The following CACNA1E variants were observed in gnomAD, a reference collection of about 807,000 sequenced individuals.
The protein encoded by CACNA1E is calcium voltage-gated channel subunit alpha1 E.
CACNA1E carries 40 observed loss-of-function variants against 259.2 expected under a neutral mutation model. That is an observed-to-expected ratio of 0.15 (90% CI 0.12 to 0.20). The LOEUF (loss-of-function observed/expected upper bound fraction) is 0.20, where lower values mean the gene tolerates loss of function less well. Ranked by LOEUF, CACNA1E falls within the 10% of genes least tolerant of loss-of-function variation. The pLI, the probability that CACNA1E is intolerant of heterozygous loss-of-function variation, is 1.00. For synonymous variants in CACNA1E, 1,104 were observed against 1,138.5 expected, an observed-to-expected ratio of 0.97 and a Z score of 0.61; for missense variants, 1,874 against 3,040.1, an observed-to-expected ratio of 0.62 and a Z score of 9.02.
intron 1 of CACNA1E, among the ~76,000 whole-genome samples, chr1:181,503,018 A>T (rs1341122653): frequency 6.6e-6 from 1 of 152,208 alleles, no homozygotes; most frequent in Admixed American, 6.5e-5. Context: ...CTGTTTGAAC[A>T]GGGCTGGTTT....
chr1:181,730,452 A>T (rs994582882), intron 18 of CACNA1E, among the ~76,000 whole-genome samples: 4 of 152,230 alleles, frequency 2.6e-5, no homozygotes, highest in Admixed American at 6.5e-5. Flanking sequence ...TTGTGTTTGT[A>T]AGGACACAAC....
chr1:181,541,364 G>A (rs1164042878), intron 3 of CACNA1E, among the ~76,000 whole-genome samples: 1 of 151,988 alleles, frequency 6.6e-6, no homozygotes, highest in African/African-American at 2.4e-5. Context: ...AAAAAAAGAT[G>A]GAGAGAATTT....
At chr1:181,426,133 A>G (rs1222857948) in intron 2 of CACNA1E, among the ~76,000 whole-genome samples, 1 of 151,974 alleles carries the variant, frequency 6.6e-6, no homozygotes, top group Non-Finnish European at 1.5e-5. Context: ...GGACACACCC[A>G]GCTTGGGTGC....
At chr1:181,413,598 G>A in intron 2 of CACNA1E, 1 of 152,740 alleles carries the variant, frequency 6.5e-6, no homozygotes, top group Non-Finnish European at 1.5e-5. Flanking sequence ...TGGCGGGGAC[G>A]CGGGGGCGGG....
At chr1:181,363,022 TA>T (rs564276963) in intron 1 of CACNA1E, among the ~76,000 whole-genome samples, 42 of 152,278 alleles carry the variant, frequency 2.8e-4, no homozygotes, top group African/African-American at 9.9e-4. Flanking sequence ...TCATGCCCCA[TA>T]TAGGCCCTCA....
chr1:181,333,812 C>T (rs149473167), intron 1 of CACNA1E, among the ~76,000 whole-genome samples: 2,350 of 152,238 alleles, frequency 0.015, 58 homozygotes, highest in African/African-American at 0.052. Flanking sequence ...TGTACCACCA[C>T]GCCCGGCTAA....
intron 1 of CACNA1E, among the ~76,000 whole-genome samples, chr1:181,360,355 A>G (rs1653776242): frequency 6.6e-6 from 1 of 152,248 alleles, no homozygotes; most frequent in Admixed American, 6.5e-5. Context: ...CACAATGCCC[A>G]TTAGCTGATG....
chr1:181,710,965 A>AAG lies in CACNA1E; in HGVS notation c.1080_1081dup (p.Val361GlufsTer9), dbSNP rs147596634. On this transcript the variant is annotated frameshift_variant, in exon 8 of 48. Transcript: ENST00000367573. LOFTEE classifies it high-confidence loss of function. The stretch of plus-strand genomic sequence containing the variant: ...CTTCTTGTCCACAGGGAATTTGCCA[A>AAG]AGAGAGAGAGAGAGTGGAGAACCGA... 2.6e-5 allele frequency: 41 copies of AAG among 1,550,754 alleles called. No homozygotes were observed. Among genetic ancestry groups the AAG allele is most frequent in the East Asian group, 4.5e-5 (2 of 44,080 alleles).
chr1:181,553,641 G>A (rs111594421), intron 3 of CACNA1E, among the ~76,000 whole-genome samples: 5 of 152,170 alleles, frequency 3.3e-5, no homozygotes, highest in African/African-American at 1.2e-4. Flanking sequence ...CTATGGGTTT[G>A]ACATAAATAG....
chr1:181,423,343 A>G (rs990529888), intron 2 of CACNA1E, among the ~76,000 whole-genome samples: 1 of 152,152 alleles, frequency 6.6e-6, no homozygotes, highest in Non-Finnish European at 1.5e-5. Flanking sequence ...TATTATGATC[A>G]TTATTATTAT....
chr1:181,739,182 C>A lies in CACNA1E; in HGVS notation c.3648C>A (p.Ser1216=). 2 of 1,613,650 alleles carry A rather than the reference C, an allele frequency of 1.2e-6. No homozygotes were observed. Among genetic ancestry groups the A allele is most frequent in the South Asian group, 2.2e-5 (2 of 91,070 alleles). Residue 1216 remains serine (S), a synonymous_variant, in exon 25 of 48, where the codon TCC becomes TCA. Coordinates refer to ENST00000367573, the MANE Select transcript of CACNA1E (RefSeq NM_001205293.3). ...AAGGCTTGATCCTGCAGGATGGGTC[C>A]TACTTCCGAGACTTGTGGAACATCC... ...IDQGLILQDG[S]YFRDLWNILD...
intron 7 of CACNA1E, among the ~76,000 whole-genome samples, chr1:181,693,333 T>A (rs1651387876): frequency 6.6e-6 from 1 of 152,070 alleles, no homozygotes; most frequent in Admixed American, 6.6e-5. Context: ...TAAATTGTTC[T>A]ACCCAAATGA....
At chr1:181,649,439 G>A (rs548086882) in intron 6 of CACNA1E, among the ~76,000 whole-genome samples, 5 of 151,926 alleles carry the variant, frequency 3.3e-5, no homozygotes, top group African/African-American at 1.2e-4. Context: ...TTTTAGTGGG[G>A]TGATTCCTCA....
chr1:181,616,781 A>G (rs1655257631), intron 6 of CACNA1E, among the ~76,000 whole-genome samples: 2 of 152,146 alleles, frequency 1.3e-5, no homozygotes, highest in African/African-American at 2.4e-5. Flanking sequence ...CAATGCAGAA[A>G]AAAATTTAAT....
At chr1:181,759,395 C>CTGTGTGTGTGTGTGTG (rs10677275) in intron 32 of CACNA1E, among the ~76,000 whole-genome samples, 67 of 146,990 alleles carry the variant, frequency 4.6e-4, no homozygotes, top group African/African-American at 1.6e-3. Context: ...AGGGGTGTGT[C>CTGTGTGTGTGTGTGTG]TGTGTGTGTG....
intron 8 of CACNA1E, among the ~76,000 whole-genome samples, chr1:181,712,268 A>G (rs957936745): frequency 6.6e-6 from 1 of 152,220 alleles, no homozygotes; most frequent in African/African-American, 2.4e-5. Flanking sequence ...GTTGGTTTGC[A>G]TTAGTATTAT....
In CACNA1E at chr1:181,802,312, T is replaced by C. The variant is rs1662336143; in HGVS notation, c.*3478T>C. ...TAGGGCACTGAGATCACCAAGAACATTACCCAGAAGCTGAAGTCCAAATGT... is the reference window on the plus strand; with the variant it reads ...TAGGGCACTGAGATCACCAAGAACACTACCCAGAAGCTGAAGTCCAAATGT... On this transcript the variant is annotated 3_prime_UTR_variant, in exon 48 of 48. Coordinates refer to ENST00000367573, the MANE Select transcript of CACNA1E (RefSeq NM_001205293.3). 6.6e-6 allele frequency: 1 copy of C among 152,194 alleles called. No homozygotes were observed. The highest frequency in any genetic ancestry group is 2.1e-4 in the South Asian group (1 of 4,826). 9.4% of individuals were successfully genotyped at this position (152,194 alleles called of 1,614,324 possible).
rs564875870 is a variant in CACNA1E at position 181,635,233 on chromosome 1, G to A, written c.952-16105G>A. Among the ~76,000 whole-genome samples the A allele has an allele frequency of 1.2e-4, 19 of 152,268 alleles. No homozygotes were observed. The South Asian group carries it at 2.9e-3, about 23-fold the overall frequency. The stretch of plus-strand genomic sequence containing the variant: ...ACTTACATCCTTCTGCAGGCTTCAG[G>A]ACTCAGTGTAGGTGTGTCTGATGCC... On this transcript the variant is annotated intron_variant, in intron 6 of 47. Transcript: ENST00000367573.
rs1173651082 is a variant in CACNA1E, at chr1:181,698,301, C to T, written c.1056-12653C>T. 4.6e-5 allele frequency among the ~76,000 whole-genome samples: 7 copies of T among 152,326 alleles called. No homozygotes were observed. The East Asian group carries it at 9.6e-4, about 21-fold the overall frequency. On this transcript the variant is annotated intron_variant, in intron 7 of 47. Coordinates refer to ENST00000367573, the MANE Select transcript of CACNA1E (RefSeq NM_001205293.3). ...GTCACAAAGTAATAAGAGTTGTCAA[C>T]TGACAGTACTTTGTACTTTAAGAGA...
Sources: allele counts gnomAD v4.1 joint callset (sites outside exome capture counted in the v4.1 genomes callset), GRCh38; gene constraint gnomAD v4.1.1; transcripts MANE v1.5; gene names NCBI Gene and HGNC (gene_info 2026-07-23, HGNC 2026-07-21).